The following ATXN2 variants were observed in gnomAD, a reference collection of about 807,000 sequenced individuals.
The protein encoded by ATXN2 is ataxin-2.
Under a neutral mutation model 138.6 loss-of-function variants are expected in ATXN2, and 37 were observed. The ratio of observed to expected loss-of-function variants is 0.27; its 90% confidence interval spans 0.21 to 0.35. The LOEUF (loss-of-function observed/expected upper bound fraction) is 0.35, where lower values mean the gene tolerates loss of function less well. Among genes scored for constraint, ATXN2 ranks in the 10% least tolerant of loss-of-function variants. ATXN2 has a pLI of 1.00. For synonymous variants in ATXN2, 549 were observed against 543.7 expected, an observed-to-expected ratio of 1.01 and a Z score of -0.13; for missense variants, 1,216 against 1,480.3, an observed-to-expected ratio of 0.82 and a Z score of 2.93.
intron 3 of ATXN2, 26 bp downstream of exon 3, chr12:111,554,132 T>G: frequency 7.0e-7 from 1 of 1,421,674 alleles, no homozygotes; most frequent in Non-Finnish European, 9.5e-7. Context: ...CCAAGGCAGT[T>G]TATCCCCAAT....
At chr12:111,507,004 C>T (rs1386157741) in intron 14 of ATXN2, among the ~76,000 whole-genome samples, 6 of 151,942 alleles carry the variant, frequency 3.9e-5, no homozygotes, top group African/African-American at 1.5e-4. Context: ...GGCGTGATCT[C>T]GGCTCGCTAC....
intron 6 of ATXN2, among the ~76,000 whole-genome samples, chr12:111,521,680 A>G (rs954338460): frequency 1.6e-4 from 24 of 152,198 alleles, no homozygotes; most frequent in African/African-American, 5.3e-4. Context: ...ACCCTAACCT[A>G]TAACCTCAGC....
chr12:111,531,589 AC>A (rs1880838926), intron 5 of ATXN2, among the ~76,000 whole-genome samples: 2 of 152,162 alleles, frequency 1.3e-5, no homozygotes, highest in Non-Finnish European at 2.9e-5. Context: ...AGCATATACT[AC>A]TACACCATGT....
At position 111,509,613 on chromosome 12, in the gene ATXN2, G is replaced by A; in HGVS notation, c.1871C>T (p.Ser624Leu). The A allele has an allele frequency of 6.7e-7, 1 of 1,484,742 alleles. No individual in the cohort carries two copies. Among genetic ancestry groups the A allele is most frequent in the Non-Finnish European group, 9.3e-7 (1 of 1,079,974 alleles). The allele number at this position is 1,484,742 out of a possible 1,614,324, so 92.0% of individuals were successfully genotyped here. Reference protein sequence around the residue: ...SFSKAENKGISPVVSEHRKQI... With the variant: ...SFSKAENKGILPVVSEHRKQI... ...TTTTCTATGTTCAGAAACAACTGGT[G>A]ATATACCTGTAAAATTAAGAACTGT... Residue 624 changes from serine (S) to leucine (L), a missense_variant, in exon 14 of 25, where the codon TCA becomes TTA. By Grantham distance (145) the Ser-to-Leu change is moderately radical. Coordinates refer to ENST00000673436, the MANE Select transcript of ATXN2 (RefSeq NM_001372574.1).
chr12:111,589,775 T>C (rs1043293086), intron 1 of ATXN2, among the ~76,000 whole-genome samples: 23 of 151,926 alleles, frequency 1.5e-4, no homozygotes, highest in African/African-American at 5.6e-4. Flanking sequence ...AAAATTTTGC[T>C]GGGCATAGTG....
chr12:111,452,677 T>C lies in ATXN2; in HGVS notation c.*135A>G. On this transcript the variant is annotated 3_prime_UTR_variant, in exon 25 of 25. Transcript: ENST00000673436. ...ACTGCAAGTGAACTGTTAGCATTCC[T>C]ATTGGATGTTACAAGAAATCAACAT... 1 of 1,030,562 alleles carries C rather than the reference T, an allele frequency of 9.7e-7. No homozygotes were observed. Among genetic ancestry groups the C allele is most frequent in the Non-Finnish European group, 1.5e-6 (1 of 668,872 alleles). The allele number at this position is 1,030,562 out of a possible 1,614,324, so 63.8% of individuals were successfully genotyped here.
chr12:111,520,187 G>GA (rs1555235268), intron 7 of ATXN2, 111 bp from the exon 8 acceptor site: 1 of 1,344,444 alleles, frequency 7.4e-7, no homozygotes, highest in South Asian at 1.4e-5. Flanking sequence ...GGTAAAAACA[G>GA]AAACTAAAAC....
intron 5 of ATXN2, among the ~76,000 whole-genome samples, chr12:111,541,112 T>C (rs1303062789): frequency 2.0e-5 from 3 of 150,054 alleles, no homozygotes; most frequent in Non-Finnish European, 4.5e-5. Flanking sequence ...ATTCACAGAT[T>C]TGCTCCAGTG....
intron 9 of ATXN2, among the ~76,000 whole-genome samples, chr12:111,517,672 T>C (rs1879931077): frequency 6.6e-6 from 1 of 152,144 alleles, no homozygotes; most frequent in Non-Finnish European, 1.5e-5. Context: ...TTTACTTAAG[T>C]TGCTAAACTG....
intron 1 of ATXN2, among the ~76,000 whole-genome samples, chr12:111,572,762 C>T (rs1883403427): frequency 1.3e-5 from 2 of 152,154 alleles, no homozygotes; most frequent in Non-Finnish European, 2.9e-5. Context: ...CTGCTGAAGT[C>T]TTGTTCAGTG....
At chr12:111,586,682 G>A (rs1884359473) in intron 1 of ATXN2, among the ~76,000 whole-genome samples, 1 of 151,002 alleles carries the variant, frequency 6.6e-6, no homozygotes, top group Non-Finnish European at 1.5e-5. Context: ...CACCACGCCC[G>A]GCCCTTTTTC....
intron 1 of ATXN2, among the ~76,000 whole-genome samples, chr12:111,580,707 G>C (rs2135829166): frequency 7.4e-6 from 1 of 136,038 alleles, no homozygotes; most frequent in South Asian, 2.7e-4. Flanking sequence ...GAGGGAGGGA[G>C]AGAGGAAGGG....
intron 18 of ATXN2, chr12:111,479,125 C>T: frequency 2.5e-6 from 1 of 392,976 alleles, no homozygotes. Flanking sequence ...AAAACACAAA[C>T]ACTTGTACAC....
At chr12:111,522,290 C>T (rs765158048) in intron 6 of ATXN2, among the ~76,000 whole-genome samples, 1 of 151,510 alleles carries the variant, frequency 6.6e-6, no homozygotes, top group East Asian at 1.9e-4. Context: ...AAATGTCTTC[C>T]AATCCCAGCG....
intron 5 of ATXN2, among the ~76,000 whole-genome samples, chr12:111,528,995 A>T (rs1880657519): frequency 1.3e-5 from 2 of 151,808 alleles, no homozygotes; most frequent in Admixed American, 1.3e-4. Context: ...TTTTTCAGAG[A>T]TGGGGTCTTT....
rs749706608 is a variant in ATXN2 at position 111,453,630 on chromosome 12, A to C, written c.3439+47T>G. 6.7e-7 allele frequency: 1 copy of C among 1,491,200 alleles called. No homozygotes were observed. The allele number at this position is 1,491,200 out of a possible 1,614,324, so 92.4% of individuals were successfully genotyped here. A position where few individuals can be genotyped will look rare whatever the true frequency, so the allele number is the denominator to read the frequency against. On this transcript the variant is annotated intron_variant, in intron 24 of 24. Transcript: ENST00000673436. The surrounding 1 kb of genome is among the most constrained non-coding windows in gnomAD (Gnocchi z 5.4). Reference sequence around the variant, plus strand: ...TGCCTGCCATTCCACCTGTGCGAGCAGAATGCTTTGGGGTGCCCCGGCGGC... The same window carrying C: ...TGCCTGCCATTCCACCTGTGCGAGCCGAATGCTTTGGGGTGCCCCGGCGGC...
intron 18 of ATXN2, among the ~76,000 whole-genome samples, chr12:111,475,547 G>A (rs1428621713): frequency 7.1e-6 from 1 of 140,154 alleles, no homozygotes; most frequent in Non-Finnish European, 1.6e-5. Context: ...TGGAGTACAG[G>A]TGCGCAATCT....
At chr12:111,525,061 T>C (rs940585562) in intron 6 of ATXN2, 131 bp downstream of exon 6, 1 of 1,206,826 alleles carries the variant, frequency 8.3e-7, no homozygotes, top group African/African-American at 1.5e-5. Context: ...TCTCTAGTTA[T>C]ACAACAAACC....
intron 1 of ATXN2, among the ~76,000 whole-genome samples, chr12:111,587,559 G>C (rs1884407435): frequency 6.6e-6 from 1 of 152,042 alleles, no homozygotes; most frequent in South Asian, 2.1e-4. Context: ...GGGAGACTGA[G>C]GTAGGAGGAC....
Sources: allele counts gnomAD v4.1 joint callset (sites outside exome capture counted in the v4.1 genomes callset), GRCh38; gene constraint gnomAD v4.1.1; non-coding constraint Gnocchi (gnomAD v3.1); transcripts MANE v1.5; gene names NCBI Gene and HGNC (gene_info 2026-07-23, HGNC 2026-07-21).